The following TUBA4A variants were observed in gnomAD, a reference collection of about 807,000 sequenced individuals.
TUBA4A encodes the protein tubulin alpha 4a, also known as tubulin alpha-4A chain.
TUBA4A carries 23 observed loss-of-function variants against 34.3 expected under a neutral mutation model. The observed-to-expected ratio is 0.67, with a 90% CI of 0.48 to 0.95. TUBA4A has a LOEUF of 0.95. Among genes scored for constraint, TUBA4A ranks in the 40% least tolerant of loss-of-function variants. The pLI is 0.00. For synonymous variants in TUBA4A, 216 were observed against 230.5 expected (o/e 0.94, Z 0.57); for missense variants, 279 against 599.0 (o/e 0.47, Z 5.58).
At chr2:219,253,194 T>C in intron 1 of TUBA4A, 5 of 1,498,922 alleles carry the variant, frequency 3.3e-6, no homozygotes, top group Non-Finnish European at 3.6e-6. Context: ...TGCACCTCTC[T>C]CCCCTCCCCC....
Position 219,250,615 on chromosome 2 carries a change from C to T in TUBA4A, c.1084G>A (p.Val362Met), listed in dbSNP as rs759343956. The part of the protein sequence containing the change: ...KVGINYQPPT[V>M]VPGGDLAKVQ... ...TTGGCCAGGTCACCCCCAGGCACCACAGTGGGAGGCTGGTAGTTGATACCA... is the reference window on the plus strand; with the variant it reads ...TTGGCCAGGTCACCCCCAGGCACCATAGTGGGAGGCTGGTAGTTGATACCA... The change falls in exon 4 of 4, where the codon GTG (valine) becomes ATG (methionine). Residue 362 changes from valine (V) to methionine (M), a missense_variant. By Grantham distance (21) the Val-to-Met change is conservative. Transcript: ENST00000248437. This position sits in a 1 kb window ranked among gnomAD's most constrained non-coding sequence, Gnocchi z 8.4. The T allele has an allele frequency of 6.2e-7, 1 of 1,614,274 alleles. No individual in the cohort carries two copies. Among genetic ancestry groups the T allele is most frequent in the South Asian group, 1.1e-5 (1 of 91,088 alleles).
chr2:219,254,482 C>G (rs1574888236), upstream of TUBA4A: 1 of 152,288 alleles, frequency 6.6e-6, no homozygotes, highest in African/African-American at 2.4e-5. Flanking sequence ...AACTGCACAG[C>G]CTGAGCCCCA....
chr2:219,251,746 G>A lies in TUBA4A; in HGVS notation c.227-33C>T. 1.3e-6 allele frequency: 2 copies of A among 1,596,568 alleles called. No individual in the cohort carries two copies. Among genetic ancestry groups the A allele is most frequent in the Non-Finnish European group, 1.7e-6 (2 of 1,168,730 alleles). On this transcript the variant is annotated intron_variant, in intron 2 of 3. Transcript: ENST00000248437. The surrounding 1 kb of genome is among the most constrained non-coding windows in gnomAD (Gnocchi z 6.1). ...GGCAAAAACCACAAAGCTATGCTCA[G>A]CAGGGACCTTCCTCCCCCAGGGTGG... is the stretch of plus-strand genomic sequence containing the variant.
rs1456987546 is a variant in TUBA4A, at chr2:219,251,590, G to A, written c.350C>T (p.Pro117Leu). The A allele has an allele frequency of 1.9e-6, 3 of 1,613,980 alleles. No individual in the cohort carries two copies. The highest frequency in any genetic ancestry group is 2.5e-6 in the Non-Finnish European group (3 of 1,180,002). ...HYTIGKEIID[P>L]VLDRIRKLSD... ...CAGCTTGCGGATCCGATCCAGCACT[G>A]GGTCAATGATCTCCTTGCCAATGGT... The change falls in exon 3 of 4, where the codon CCA becomes CTA. Residue 117 changes from proline to leucine, a missense_variant. By Grantham distance (98) the Pro-to-Leu change is moderately conservative. Transcript: ENST00000248437. The surrounding 1 kb of genome is among the most constrained non-coding windows in gnomAD (Gnocchi z 6.1).
rs1693798892 is a variant in TUBA4A, at chr2:219,250,218, CAG to C, written c.*132_*133del. On this transcript the variant is annotated 3_prime_UTR_variant, in exon 4 of 4. Transcript: ENST00000248437. This position sits in a 1 kb window ranked among gnomAD's most constrained non-coding sequence, Gnocchi z 8.4. The stretch of plus-strand genomic sequence containing the variant: ...AGGGATAAGGGTCATGAACAGCAAA[CAG>C]AGCAGCAGCAGCATGAAGGGGAAGG... 1.8e-5 allele frequency: 24 copies of C among 1,313,504 alleles called. No homozygotes were observed. In the South Asian group the frequency reaches 2.7e-4, roughly 15 times the overall value. 81.4% of individuals were successfully genotyped at this position (1,313,504 alleles called of 1,614,324 possible). A position where few individuals can be genotyped will look rare whatever the true frequency, so the allele number is the denominator to read the frequency against.
In TUBA4A at chr2:219,252,322, A is replaced by G. The variant is rs45443991; in HGVS notation, c.4-92T>C. ...TCTTCCACCCTATCATCTACCAGCT[A>G]GGATGACTCAGTTGGCAAGAGTGGA... On this transcript the variant is annotated intron_variant, in intron 1 of 3. Coordinates refer to ENST00000248437, the MANE Select transcript of TUBA4A (RefSeq NM_006000.3). This position sits in a 1 kb window ranked among gnomAD's most constrained non-coding sequence, Gnocchi z 4.1. The G allele has an allele frequency of 0.021, 26,016 of 1,225,264 alleles. 750 individuals are homozygous for G. Among genetic ancestry groups the G allele is most frequent in the East Asian group, 0.11 (4,307 of 39,796 alleles). 75.9% of individuals were successfully genotyped at this position (1,225,264 alleles called of 1,614,324 possible). A position where few individuals can be genotyped will look rare whatever the true frequency, so the allele number is the denominator to read the frequency against.
At chr2:219,253,289 T>C in intron 1 of TUBA4A, 8 of 1,508,004 alleles carry the variant, frequency 5.3e-6, no homozygotes, top group Non-Finnish European at 7.1e-6. Context: ...GAGGGCCAGC[T>C]CGCTTCAGGA....
intron 1 of TUBA4A, chr2:219,253,240 G>A: frequency 2.7e-6 from 4 of 1,492,892 alleles, no homozygotes; most frequent in Non-Finnish European, 1.8e-6. Context: ...CTCAGCGCCA[G>A]CTGTCTCTGC....
chr2:219,253,178 C>T (rs576336161), intron 1 of TUBA4A: 3 of 1,512,614 alleles, frequency 2.0e-6, no homozygotes, highest in Non-Finnish European at 2.7e-6. Context: ...AATACCACCC[C>T]CTACATGCAC....
rs373557253 is a variant in TUBA4A at position 219,251,401 on chromosome 2, G to C, written c.376-78C>G. 2 of 1,543,102 alleles carry C rather than the reference G, an allele frequency of 1.3e-6. No homozygotes were observed. Among genetic ancestry groups the C allele is most frequent in the African/African-American group, 2.8e-5 (2 of 72,718 alleles). The stretch of plus-strand genomic sequence containing the variant: ...ACTCTATCACCTGGCTCCATAAAGC[G>C]TAAGATACATCAGCAGTCAGGGCAA... On this transcript the variant is annotated intron_variant, in intron 3 of 3. Transcript: ENST00000248437. The surrounding 1 kb of genome is among the most constrained non-coding windows in gnomAD (Gnocchi z 6.1).
In TUBA4A at chr2:219,250,375, C is replaced by T. The variant is rs772897588; in HGVS notation, c.1324G>A (p.Asp442Asn). 11 of 1,613,374 alleles carry T rather than the reference C, an allele frequency of 6.8e-6. No individual in the cohort carries two copies. The Admixed American group carries it at 8.3e-5, about 12-fold the overall frequency. Residue 442 changes from aspartate to asparagine, a missense_variant, in exon 4 of 4, where the codon GAC becomes AAC. Transcript: ENST00000248437. This position sits in a 1 kb window ranked among gnomAD's most constrained non-coding sequence, Gnocchi z 8.4. ...YEEVGIDSYE[D>N]EDEGEE ...CTTTATTCTTCTCCCTCATCCTCGTCCTCATAGGAGTCGATGCCCACCTCC... is the reference window on the plus strand; with the variant it reads ...CTTTATTCTTCTCCCTCATCCTCGTTCTCATAGGAGTCGATGCCCACCTCC...
rs1574883659 is a variant in TUBA4A at position 219,250,528 on chromosome 2, G to A, written c.1171C>T (p.Leu391=). The part of the protein sequence containing the change: ...TTAIAEAWAR[L]DHKFDLMYAK... ...TACATCAGGTCGAACTTGTGGTCCA[G>A]GCGGGCCCAGGCCTCGGCGATGGCG... Residue 391 remains leucine, a synonymous_variant, in exon 4 of 4, where the codon CTG becomes TTG. Transcript: ENST00000248437. The surrounding 1 kb of genome is among the most constrained non-coding windows in gnomAD (Gnocchi z 8.4). The A allele has an allele frequency of 6.2e-7, 1 of 1,614,086 alleles. No individual in the cohort carries two copies. Among genetic ancestry groups the A allele is most frequent in the Admixed American group, 1.7e-5 (1 of 60,008 alleles).
At position 219,251,454 on chromosome 2, in the gene TUBA4A, A is replaced by G. The variant is rs541105829; in HGVS notation, c.375+111T>C. ...ACTGAGGATGCCATAGCAGCACCACACTCGAGACCATGTATAGTTAGAGAT... is the reference window on the plus strand; with the variant it reads ...ACTGAGGATGCCATAGCAGCACCACGCTCGAGACCATGTATAGTTAGAGAT... On this transcript the variant is annotated intron_variant, in intron 3 of 3. Coordinates refer to ENST00000248437, the MANE Select transcript of TUBA4A (RefSeq NM_006000.3). The surrounding 1 kb of genome is among the most constrained non-coding windows in gnomAD (Gnocchi z 6.1). 25 of 1,536,356 alleles carry G rather than the reference A, an allele frequency of 1.6e-5. No individual in the cohort carries two copies. The highest frequency in any genetic ancestry group is 2.2e-5 in the Non-Finnish European group (25 of 1,135,890).
At chr2:219,254,234 T>C, upstream of TUBA4A, 1 of 206,628 alleles carries the variant, frequency 4.8e-6, no homozygotes, top group Non-Finnish European at 9.7e-6. Context: ...ACCTGCGTCC[T>C]GGAGGCACCG....
At chr2:219,253,750 G>C (rs1199484759) in intron 1 of TUBA4A, 106 bp downstream of exon 1, 4 of 1,377,590 alleles carry the variant, frequency 2.9e-6, no homozygotes, top group Non-Finnish European at 4.0e-6. Flanking sequence ...ACCTCCTGGA[G>C]ACCCGGAACG....
Position 219,250,110 on chromosome 2 carries a change from T to C in TUBA4A, c.*242A>G, listed in dbSNP as rs1245943545. 1.2e-5 allele frequency: 7 copies of C among 590,788 alleles called. No individual in the cohort carries two copies. The highest frequency in any genetic ancestry group is 2.1e-5 in the Non-Finnish European group (7 of 336,410). The allele number at this position is 590,788 out of a possible 1,614,324, so 36.6% of individuals were successfully genotyped here. On this transcript the variant is annotated 3_prime_UTR_variant, in exon 4 of 4. Transcript: ENST00000248437. This position sits in a 1 kb window ranked among gnomAD's most constrained non-coding sequence, Gnocchi z 8.4. ...ATTTCCTCCCTATACTGAGTAACCC[T>C]AGGACTTCAATTTAAAGTCCCTGGG... is the stretch of plus-strand genomic sequence containing the variant.
In TUBA4A at chr2:219,251,579, G is replaced by A. The variant is rs769120095; in HGVS notation, c.361C>T (p.Arg121Trp). Residue 121 changes from arginine to tryptophan, a missense_variant, in exon 3 of 4, where the codon CGG (arginine) becomes TGG (tryptophan). Arg to Trp is a moderately radical substitution (Grantham distance 101). Transcript: ENST00000248437. The surrounding 1 kb of genome is among the most constrained non-coding windows in gnomAD (Gnocchi z 6.1). ...GKEIIDPVLD[R>W]IRKLSDQCTG... ...CACACTCTCACCAGCTTGCGGATCC[G>A]ATCCAGCACTGGGTCAATGATCTCC... 2.5e-6 allele frequency: 4 copies of A among 1,613,812 alleles called. No individual in the cohort carries two copies. Among genetic ancestry groups the A allele is most frequent in the Non-Finnish European group, 3.4e-6 (4 of 1,179,786 alleles).
chr2:219,253,885 T>C lies in TUBA4A; in HGVS notation c.-27A>G. On this transcript the variant is annotated 5_prime_UTR_variant, in exon 1 of 4. Coordinates refer to ENST00000248437, the MANE Select transcript of TUBA4A (RefSeq NM_006000.3). Reference sequence around the variant, plus strand: ...GTGAGTCCGGGCGGTGCGTCTCACGTTGAGTCGGGGTGACAGGTCTCAGTG... The same window carrying C: ...GTGAGTCCGGGCGGTGCGTCTCACGCTGAGTCGGGGTGACAGGTCTCAGTG... 1 of 1,437,432 alleles carries C rather than the reference T, an allele frequency of 7.0e-7. No individual in the cohort carries two copies. Among genetic ancestry groups the C allele is most frequent in the Non-Finnish European group, 9.1e-7 (1 of 1,094,608 alleles). 89.0% of individuals were successfully genotyped at this position (1,437,432 alleles called of 1,614,324 possible).
chr2:219,253,820 A>G (rs1252287260), intron 1 of TUBA4A, 36 bp downstream of exon 1: 12 of 1,531,592 alleles, frequency 7.8e-6, no homozygotes, highest in Non-Finnish European at 1.1e-5. Context: ...AGGGGCAATT[A>G]GGGGACAGGC....
Sources: allele counts gnomAD v4.1 joint callset, GRCh38; gene constraint gnomAD v4.1.1; non-coding constraint Gnocchi (gnomAD v3.1); transcripts MANE v1.5; gene names NCBI Gene and HGNC (gene_info 2026-07-23, HGNC 2026-07-21).